The following CA10 variants were observed in gnomAD, a reference collection of about 807,000 sequenced individuals.
CA10 encodes the protein carbonic anhydrase-related protein 10.
Under a neutral mutation model 44.2 loss-of-function variants are expected in CA10, and 14 were observed. That is an observed-to-expected ratio of 0.32 (90% CI 0.21 to 0.50). The LOEUF (loss-of-function observed/expected upper bound fraction) is 0.50. Ranked by LOEUF, CA10 falls within the 20% of genes least tolerant of loss-of-function variation. The probability of loss-of-function intolerance (pLI) is 0.99; values close to 1 mark genes in which losing one functional copy is unlikely to be tolerated. For synonymous variants in CA10, 159 were observed against 141.6 expected (o/e 1.12, Z -0.87); for missense variants, 350 against 409.7 (o/e 0.85, Z 1.26).
At chr17:52,150,160 C>T (rs1051761603) in intron 1 of CA10, among the ~76,000 whole-genome samples, 50 of 152,216 alleles carry the variant, frequency 3.3e-4, no homozygotes, top group African/African-American at 1.2e-3. Flanking sequence ...ATATGATCAT[C>T]CATCTCTCAT....
intron 2 of CA10, among the ~76,000 whole-genome samples, chr17:52,032,610 A>G (rs2144175816): frequency 6.6e-6 from 1 of 152,250 alleles, no homozygotes; most frequent in South Asian, 2.1e-4. Context: ...TCTGGCAAGG[A>G]GAAGTTGGGT....
At chr17:52,035,769 T>C (rs1483417159) in intron 2 of CA10, among the ~76,000 whole-genome samples, 1 of 152,238 alleles carries the variant, frequency 6.6e-6, no homozygotes, top group Non-Finnish European at 1.5e-5. Context: ...CGTTCGCTCA[T>C]GCACTCTCTC....
chr17:51,698,171 A>G (rs1394160184), intron 4 of CA10, among the ~76,000 whole-genome samples: 1 of 151,916 alleles, frequency 6.6e-6, no homozygotes, highest in Non-Finnish European at 1.5e-5. Context: ...TGCTGCTGCT[A>G]CTGTTGCTGC....
chr17:52,121,097 C>T (rs1989006271), intron 1 of CA10, among the ~76,000 whole-genome samples: 1 of 152,188 alleles, frequency 6.6e-6, no homozygotes, highest in African/African-American at 2.4e-5. Context: ...TGACTGGTTT[C>T]CATGTCTTTG....
intron 6 of CA10, among the ~76,000 whole-genome samples, chr17:51,644,433 C>G (rs552251898): frequency 1.3e-5 from 2 of 152,264 alleles, no homozygotes; most frequent in East Asian, 1.9e-4. Context: ...GAGGACATGT[C>G]CCGCCTCTCT....
chr17:51,870,995 T>C (rs536651260), intron 3 of CA10, among the ~76,000 whole-genome samples: 2 of 151,832 alleles, frequency 1.3e-5, no homozygotes, highest in Non-Finnish European at 2.9e-5. Context: ...ATGGTAGAGA[T>C]TTCTTCTCTT....
At chr17:51,748,169 G>C (rs1904772603) in intron 3 of CA10, among the ~76,000 whole-genome samples, 1 of 152,222 alleles carries the variant, frequency 6.6e-6, no homozygotes, top group South Asian at 2.1e-4. Flanking sequence ...CTAAATCTCA[G>C]CTGTGAGAAA....
chr17:51,850,888 T>G (rs1376530141), intron 3 of CA10, among the ~76,000 whole-genome samples: 1 of 152,188 alleles, frequency 6.6e-6, no homozygotes, highest in Non-Finnish European at 1.5e-5. Context: ...AAGAGTGAAT[T>G]CATGGGAGTG....
At chr17:52,100,072 AAG>A (rs1181178069) in intron 1 of CA10, among the ~76,000 whole-genome samples, 1 of 152,222 alleles carries the variant, frequency 6.6e-6, no homozygotes, top group Non-Finnish European at 1.5e-5. Context: ...GAACGGAGTG[AAG>A]AGAGTGGTAG....
chr17:51,744,499 T>C (rs1193161986), intron 4 of CA10, among the ~76,000 whole-genome samples: 1 of 151,396 alleles, frequency 6.6e-6, no homozygotes, highest in African/African-American at 2.5e-5. Flanking sequence ...CCTAGCACTT[T>C]GTGGGGGGGC....
intron 3 of CA10, among the ~76,000 whole-genome samples, chr17:51,889,216 G>A (rs1366894863): frequency 6.6e-6 from 1 of 152,080 alleles, no homozygotes; most frequent in African/African-American, 2.4e-5. Context: ...TACTTATACA[G>A]GGCTAGTCAA....
chr17:51,822,467 A>G (rs770982699), intron 3 of CA10, among the ~76,000 whole-genome samples: 3 of 152,052 alleles, frequency 2.0e-5, no homozygotes, highest in Non-Finnish European at 4.4e-5. Context: ...CAAAAAACAA[A>G]AAAACCATCC....
intron 2 of CA10, among the ~76,000 whole-genome samples, chr17:52,002,753 G>A (rs1437163536): frequency 1.3e-5 from 2 of 151,898 alleles, no homozygotes; most frequent in African/African-American, 2.4e-5. Flanking sequence ...GACATTCAGG[G>A]ACTCCGTAGA....
chr17:51,840,911 A>G (rs949489808), intron 3 of CA10, among the ~76,000 whole-genome samples: 1 of 152,226 alleles, frequency 6.6e-6, no homozygotes, highest in Non-Finnish European at 1.5e-5. Context: ...ACAGTTTATC[A>G]TTTAAGAAAC....
At chr17:51,661,423 T>G (rs150162841) in intron 4 of CA10, among the ~76,000 whole-genome samples, 1 of 152,276 alleles carries the variant, frequency 6.6e-6, no homozygotes, top group African/African-American at 2.4e-5. Flanking sequence ...AAAGCCTGGT[T>G]TCACCCTTGG....
At chr17:51,733,074 C>A (rs116901742) in intron 4 of CA10, among the ~76,000 whole-genome samples, 1 of 152,100 alleles carries the variant, frequency 6.6e-6, no homozygotes. Context: ...CTGTTACTTG[C>A]CCCCCAAAGC....
At chr17:52,078,841 C>A (rs970894968) in intron 1 of CA10, among the ~76,000 whole-genome samples, 3 of 152,168 alleles carry the variant, frequency 2.0e-5, no homozygotes, top group Non-Finnish European at 4.4e-5. Context: ...TTTTACAACA[C>A]CCGGAAGGTA....
At chr17:51,922,601 T>C (rs756024399) in intron 3 of CA10, among the ~76,000 whole-genome samples, 3 of 152,148 alleles carry the variant, frequency 2.0e-5, no homozygotes, top group African/African-American at 7.2e-5. Context: ...TCTCATAAAA[T>C]TCCCCGTGCT....
chr17:51,880,165 C>G (rs1442449437), intron 3 of CA10, among the ~76,000 whole-genome samples: 1 of 152,176 alleles, frequency 6.6e-6, no homozygotes, highest in Non-Finnish European at 1.5e-5. Context: ...TGCCTTACCT[C>G]TTCCAGCAGA....
Sources: allele counts gnomAD v4.1 joint callset (sites outside exome capture counted in the v4.1 genomes callset), GRCh38; gene constraint gnomAD v4.1.1; transcripts MANE v1.5; gene names NCBI Gene and HGNC (gene_info 2026-07-23, HGNC 2026-07-21).